Variants in ERC2 observed in about 807,000 individuals in gnomAD.
ERC2 encodes the protein ERC protein 2.
ERC2 carries 42 observed loss-of-function variants against 114.8 expected under a neutral mutation model. That is an observed-to-expected ratio of 0.37 (90% confidence interval 0.29 to 0.47). The LOEUF is 0.47. ERC2 is among the 20% of genes least tolerant of loss of function. ERC2 has a pLI of 0.99. For synonymous variants in ERC2, 454 were observed against 425.5 expected, an observed-to-expected ratio of 1.07 and a Z score of -0.82; for missense variants, 939 against 1,150.7, an observed-to-expected ratio of 0.82 and a Z score of 2.66.
At chr3:55,713,359 C>T (rs1182600031) in intron 15 of ERC2, among the ~76,000 whole-genome samples, 10 of 152,060 alleles carry the variant, frequency 6.6e-5, no homozygotes, top group East Asian at 3.9e-4. Context: ...TACCAGCGCC[C>T]GCCACCATGC....
At chr3:55,588,435 T>G (rs1458413763) in intron 17 of ERC2, among the ~76,000 whole-genome samples, 2 of 152,132 alleles carry the variant, frequency 1.3e-5, no homozygotes, top group Admixed American at 6.5e-5. Context: ...TAAAGACAAC[T>G]TTCCACTTAG....
intron 6 of ERC2, among the ~76,000 whole-genome samples, chr3:56,084,501 T>C (rs149539490): frequency 6.8e-4 from 104 of 152,246 alleles, no homozygotes; most frequent in African/African-American, 2.5e-3. Flanking sequence ...TAAAGTATGA[T>C]AACAAATAAG....
intron 3 of ERC2, among the ~76,000 whole-genome samples, chr3:56,215,639 A>C (rs566156725): frequency 3.3e-5 from 5 of 152,314 alleles, no homozygotes; most frequent in Admixed American, 3.3e-4. Context: ...TGCACCAAGC[A>C]GACCTAATAG....
At chr3:55,979,155 T>A (rs1325087421) in intron 12 of ERC2, among the ~76,000 whole-genome samples, 1 of 152,196 alleles carries the variant, frequency 6.6e-6, no homozygotes, top group Admixed American at 6.5e-5. Flanking sequence ...ACCATCAAAC[T>A]GACATATGAT....
At chr3:56,041,422 G>A (rs925587793) in intron 7 of ERC2, among the ~76,000 whole-genome samples, 2 of 152,072 alleles carry the variant, frequency 1.3e-5, no homozygotes, top group East Asian at 1.9e-4. Flanking sequence ...GGCATCCTGC[G>A]CTCACCACTT....
At chr3:56,146,434 C>T (rs192818333) in intron 5 of ERC2, among the ~76,000 whole-genome samples, 1 of 152,152 alleles carries the variant, frequency 6.6e-6, no homozygotes, top group East Asian at 1.9e-4. Context: ...CTTACTAGTA[C>T]TTTTTAGCTA....
chr3:55,761,665 AG>A (rs1246995259), intron 14 of ERC2, among the ~76,000 whole-genome samples: 1 of 151,980 alleles, frequency 6.6e-6, no homozygotes, highest in Non-Finnish European at 1.5e-5. Context: ...ATCCCCAGGG[AG>A]GGACCTGGTG....
chr3:56,372,509 C>T (rs1017930802), intron 2 of ERC2, among the ~76,000 whole-genome samples: 8 of 152,088 alleles, frequency 5.3e-5, no homozygotes, highest in Admixed American at 1.3e-4. Context: ...AGGCAGATCG[C>T]TTGAGCCCAG....
intron 15 of ERC2, among the ~76,000 whole-genome samples, chr3:55,712,282 G>T (rs1446411574): frequency 1.3e-5 from 2 of 152,156 alleles, no homozygotes; most frequent in East Asian, 1.9e-4. Context: ...ATAAAAGCAG[G>T]CCATGCAGGG....
At chr3:55,944,289 C>T (rs1421821086) in intron 13 of ERC2, among the ~76,000 whole-genome samples, 1 of 152,254 alleles carries the variant, frequency 6.6e-6, no homozygotes, top group Middle Eastern at 3.4e-3. Flanking sequence ...GGAGTGAAAC[C>T]TGAAAACCCT....
intron 3 of ERC2, among the ~76,000 whole-genome samples, chr3:56,182,405 A>T (rs1309522888): frequency 2.0e-5 from 3 of 152,232 alleles, no homozygotes; most frequent in Non-Finnish European, 4.4e-5. Flanking sequence ...ATGACACTGT[A>T]TGTATAAGCC....
intron 3 of ERC2, among the ~76,000 whole-genome samples, chr3:56,213,331 T>G (rs995207672): frequency 2.2e-4 from 33 of 152,164 alleles, no homozygotes; most frequent in African/African-American, 8.0e-4. Flanking sequence ...ACTGTGCTTT[T>G]CCTATGGTCT....
At chr3:55,706,138 C>G (rs1355361658) in intron 15 of ERC2, among the ~76,000 whole-genome samples, 1 of 152,136 alleles carries the variant, frequency 6.6e-6, no homozygotes, top group African/African-American at 2.4e-5. Context: ...ACATAAATAG[C>G]CAGCATCCTG....
rs139478576 is a variant in ERC2, at chr3:56,213,395, C to T, written c.1075-39875G>A. Among the ~76,000 whole-genome samples, 856 of 152,272 alleles carry T rather than the reference C, an allele frequency of 5.6e-3. 3 individuals are homozygous for T. The highest frequency in any genetic ancestry group is 0.02 in the African/African-American group (813 of 41,560). On this transcript the variant is annotated intron_variant, in intron 3 of 17. Coordinates refer to ENST00000288221, the MANE Select transcript of ERC2 (RefSeq NM_015576.3). ...CCTGTGTCTGGCTCAGAGGGTCCTA[C>T]GCCCACGGAGCCTCGCTCATTGCTA...
intron 2 of ERC2, among the ~76,000 whole-genome samples, chr3:56,426,923 A>G (rs575114415): frequency 6.8e-6 from 1 of 147,678 alleles, no homozygotes; most frequent in South Asian, 2.2e-4. Flanking sequence ...GCACTTTGGG[A>G]GGCTGAGGCA....
chr3:56,085,899 A>T (rs963690348), intron 6 of ERC2, among the ~76,000 whole-genome samples: 1 of 152,148 alleles, frequency 6.6e-6, no homozygotes, highest in African/African-American at 2.4e-5. Context: ...CTACCTATCA[A>T]AGCTGGATGG....
intron 10 of ERC2, among the ~76,000 whole-genome samples, chr3:55,998,702 C>T (rs543915945): frequency 2.6e-5 from 4 of 152,308 alleles, no homozygotes; most frequent in African/African-American, 7.2e-5. Flanking sequence ...CAGCCCATTA[C>T]GTTCCTGGGA....
chr3:56,364,029 G>A (rs2059062334), intron 2 of ERC2, among the ~76,000 whole-genome samples: 4 of 152,188 alleles, frequency 2.6e-5, no homozygotes, highest in East Asian at 3.8e-4. Context: ...GTCCAGCTCC[G>A]TGGCCTAGCC....
chr3:55,785,257 T>A (rs1420895055), intron 14 of ERC2, among the ~76,000 whole-genome samples: 1 of 152,178 alleles, frequency 6.6e-6, no homozygotes. Flanking sequence ...AGCCTTTGAG[T>A]GTTGAGACGG....
Sources: allele counts gnomAD v4.1 joint callset (sites outside exome capture counted in the v4.1 genomes callset), GRCh38; gene constraint gnomAD v4.1.1; transcripts MANE v1.5; gene names NCBI Gene and HGNC (gene_info 2026-07-23, HGNC 2026-07-21).